ARID1B: variants seen among roughly 807,000 people sequenced by gnomAD.
ARID1B encodes the protein AT-rich interaction domain 1B.
In ARID1B, 30 loss-of-function variants were observed where a neutral mutation model predicts 212.3. That is an observed-to-expected ratio of 0.14 (90% CI 0.11 to 0.19). The LOEUF is 0.19. Ranked by LOEUF, ARID1B falls within the 10% of genes least tolerant of loss-of-function variation. The probability of loss-of-function intolerance (pLI) is 1.00; values close to 1 mark genes in which losing one functional copy is unlikely to be tolerated. For synonymous variants in ARID1B, 1,402 were observed against 1,301.7 expected (o/e 1.08, Z -1.66); for missense variants, 2,891 against 3,204.0 (o/e 0.90, Z 2.36).
At chr6:157,181,297 G>A in intron 12 of ARID1B, 119 bp downstream of exon 12, 1 of 1,302,120 alleles carries the variant, frequency 7.7e-7, no homozygotes, top group Non-Finnish European at 1.0e-6. Context: ...AAGCCTGTGT[G>A]AAAGTCGCCT....
intron 4 of ARID1B, among the ~76,000 whole-genome samples, chr6:157,032,561 G>T (rs1781081484): frequency 6.6e-6 from 1 of 152,142 alleles, no homozygotes; most frequent in Non-Finnish European, 1.5e-5. Flanking sequence ...CATAGATGTT[G>T]AGAAACCTAG....
chr6:157,055,496 A>T (rs1239697187), intron 4 of ARID1B, among the ~76,000 whole-genome samples: 1 of 152,234 alleles, frequency 6.6e-6, no homozygotes, highest in Admixed American at 6.5e-5. Flanking sequence ...ACTGCTCTCT[A>T]GTCCTTAAAT....
In ARID1B at chr6:156,889,818, TA is replaced by T. The variant is rs368881898; in HGVS notation, c.1987-11550del. Among the ~76,000 whole-genome samples the T allele has an allele frequency of 2.2e-3, 329 of 151,980 alleles. 2 individuals carry two copies. The highest frequency in any genetic ancestry group is 7.5e-3 in the African/African-American group (312 of 41,438). ...GTTGGCAAGGAATTTTTGATATGGT[TA>T]AAAAAAAGGCTTTGGGCTGATATAA... On this transcript the variant is annotated intron_variant, in intron 2 of 19. Coordinates refer to ENST00000636930, the MANE Select transcript of ARID1B (RefSeq NM_001374828.1).
At chr6:156,967,934 T>C (rs1224422653) in intron 4 of ARID1B, among the ~76,000 whole-genome samples, 1 of 152,246 alleles carries the variant, frequency 6.6e-6, no homozygotes, top group Admixed American at 6.5e-5. Context: ...GTCATTGATA[T>C]ATGCAAAGTT....
rs1778974708 is a variant in ARID1B at position 156,779,130 on chromosome 6, G to A, written c.1450G>A (p.Gly484Ser). The change falls in exon 1 of 20, where the codon GGC becomes AGC. Residue 484 changes from glycine (G) to serine (S), a missense_variant. Transcript: ENST00000636930. Reference sequence around the variant, plus strand: ...GGCGGCCGCCGGCTCGGCGGCGGGGGGCTTCCAGCGCTTCGCCGGCCAGAA... The same window carrying A: ...GGCGGCCGCCGGCTCGGCGGCGGGGAGCTTCCAGCGCTTCGCCGGCCAGAA... ...SKAAAGSAAG[G>S]FQRFAGQNQH... 1 of 1,248,544 alleles carries A rather than the reference G, an allele frequency of 8.0e-7. No homozygotes were observed. Among genetic ancestry groups the A allele is most frequent in the Non-Finnish European group, 1.0e-6 (1 of 995,636 alleles). 77.3% of individuals were successfully genotyped at this position (1,248,544 alleles called of 1,614,324 possible). A position where few individuals can be genotyped will look rare whatever the true frequency, so the allele number is the denominator to read the frequency against.
chr6:157,004,047 A>C (rs978693593), intron 4 of ARID1B, among the ~76,000 whole-genome samples: 2 of 152,090 alleles, frequency 1.3e-5, no homozygotes, highest in Non-Finnish European at 2.9e-5. Flanking sequence ...AAACAAACAC[A>C]AATAAAAACA....
chr6:156,893,590 ATAACC>A (rs1167459065), intron 2 of ARID1B, among the ~76,000 whole-genome samples: 9 of 143,250 alleles, frequency 6.3e-5, no homozygotes, highest in Admixed American at 2.1e-4. Context: ...AGCAAAACAA[ATAACC>A]TAATTAAAAA....
At chr6:157,120,662 C>A (rs554610774) in intron 6 of ARID1B, among the ~76,000 whole-genome samples, 2 of 152,292 alleles carry the variant, frequency 1.3e-5, no homozygotes, top group South Asian at 4.1e-4. Context: ...GGTGGAGACA[C>A]CACAAAGGTG....
rs1794140881 is a variant in ARID1B, at chr6:157,201,891, T to C, written c.5263+403T>C. Among the ~76,000 whole-genome samples the C allele has an allele frequency of 6.6e-6, 1 of 152,202 alleles. No individual in the cohort carries two copies. The highest frequency in any genetic ancestry group is 1.5e-5 in the Non-Finnish European group (1 of 68,042). ...GTGGTTATATGCTGTATTTTGGGCT[T>C]AAAGATTTGAACTTAACCAAGCCAC... is the stretch of plus-strand genomic sequence containing the variant. On this transcript the variant is annotated intron_variant, in intron 18 of 19. Transcript: ENST00000636930. The surrounding 1 kb of genome is among the most constrained non-coding windows in gnomAD (Gnocchi z 5.2).
chr6:157,139,914 G>T (rs183375830), intron 7 of ARID1B, among the ~76,000 whole-genome samples: 2 of 151,646 alleles, frequency 1.3e-5, no homozygotes, highest in Non-Finnish European at 2.9e-5. Context: ...AGTAGAGGCA[G>T]GTTTTCACCA....
intron 3 of ARID1B, among the ~76,000 whole-genome samples, chr6:156,905,109 T>C (rs891660748): frequency 1.3e-5 from 2 of 152,194 alleles, no homozygotes; most frequent in Admixed American, 1.3e-4. Flanking sequence ...CTTCAGTTGT[T>C]GGTCTTTAAA....
intron 2 of ARID1B, among the ~76,000 whole-genome samples, chr6:156,900,538 C>T (rs1394330182): frequency 6.6e-6 from 1 of 152,188 alleles, no homozygotes; most frequent in African/African-American, 2.4e-5. Context: ...CCATTCTTGT[C>T]TCTAGAGTGC....
intron 6 of ARID1B, among the ~76,000 whole-genome samples, chr6:157,115,345 C>A (rs1268107125): frequency 6.6e-6 from 1 of 152,208 alleles, no homozygotes; most frequent in African/African-American, 2.4e-5. Flanking sequence ...TACTCTCTTA[C>A]ATAGTATTGC....
In ARID1B at chr6:156,902,735, C is replaced by CAAAAAAAAA. The variant is rs869259426; in HGVS notation, c.2136+1229_2136+1237dup. On this transcript the variant is annotated intron_variant, in intron 3 of 19. Coordinates refer to ENST00000636930, the MANE Select transcript of ARID1B (RefSeq NM_001374828.1). ...CTTGCAACAGAGTGAGACTCTGTCT[C>CAAAAAAAAA]AAAAAAAAAAAAAAAAAAAAAAAAA... Among the ~76,000 whole-genome samples, 6 of 61,676 alleles carry CAAAAAAAAA rather than the reference C, an allele frequency of 9.7e-5. 1 individual carries two copies. The highest frequency in any genetic ancestry group is 3.1e-4 in the African/African-American group (6 of 19,378). 40.5% of individuals were successfully genotyped at this position (61,676 alleles called of 152,430 possible). A position where few individuals can be genotyped will look rare whatever the true frequency, so the allele number is the denominator to read the frequency against.
chr6:156,897,203 G>GCTTCTT (rs1562468041), intron 2 of ARID1B, among the ~76,000 whole-genome samples: 1 of 74,676 alleles, frequency 1.3e-5, no homozygotes, highest in African/African-American at 4.9e-5. Flanking sequence ...TGCTGCTGCT[G>GCTTCTT]CTGCTGCTGC....
chr6:157,047,876 T>C (rs1439433929), intron 4 of ARID1B, among the ~76,000 whole-genome samples: 2 of 152,232 alleles, frequency 1.3e-5, no homozygotes, highest in Admixed American at 1.3e-4. Context: ...CATGCACATG[T>C]AATTAGAGGC....
intron 4 of ARID1B, among the ~76,000 whole-genome samples, chr6:157,048,077 G>A (rs989667583): frequency 1.3e-5 from 2 of 152,296 alleles, no homozygotes; most frequent in African/African-American, 4.8e-5. Flanking sequence ...TGTTTCTTCA[G>A]ATGGTGAAAG....
chr6:157,109,124 G>C (rs949504212), intron 5 of ARID1B, among the ~76,000 whole-genome samples: 1 of 152,166 alleles, frequency 6.6e-6, no homozygotes, highest in Non-Finnish European at 1.5e-5. Context: ...CGTCCTGAGA[G>C]ATTCTGGGAC....
At chr6:157,176,146 C>T (rs1218451748) in intron 11 of ARID1B, among the ~76,000 whole-genome samples, 1 of 152,136 alleles carries the variant, frequency 6.6e-6, no homozygotes, top group Non-Finnish European at 1.5e-5. Context: ...CCAGCATTTT[C>T]CCTTTCAGAG....
Sources: gnomAD v4.1 joint callset for allele counts (sites outside exome capture counted in the v4.1 genomes callset) on GRCh38, gnomAD v4.1.1 for gene constraint, Gnocchi (gnomAD v3.1) non-coding constraint, MANE v1.5 for transcripts, NCBI Gene and HGNC (gene_info 2026-07-23, HGNC 2026-07-21) for gene names.